THRAP3: variants seen among roughly 807,000 people sequenced by gnomAD.
The protein encoded by THRAP3 is thyroid hormone receptor-associated protein 3.
THRAP3 carries 16 observed loss-of-function variants against 101.0 expected under a neutral mutation model. That is an observed-to-expected ratio of 0.16 (90% CI 0.11 to 0.24). The LOEUF (loss-of-function observed/expected upper bound fraction) is 0.24, where lower values mean the gene tolerates loss of function less well. Among genes scored for constraint, THRAP3 ranks in the 10% least tolerant of loss-of-function variants. The pLI, the probability that THRAP3 is intolerant of heterozygous loss-of-function variation, is 1.00. For missense variants in THRAP3, 989 were observed against 1,202.7 expected, an observed-to-expected ratio of 0.82 and a Z score of 2.63; for synonymous variants, 407 against 422.6, an observed-to-expected ratio of 0.96 and a Z score of 0.45.
intron 2 of THRAP3, among the ~76,000 whole-genome samples, chr1:36,264,254 C>T (rs180930500): frequency 6.6e-6 from 1 of 152,332 alleles, no homozygotes; most frequent in Non-Finnish European, 1.5e-5. Context: ...TCCTAAATCT[C>T]TCCCTCCAAC....
chr1:36,215,229 A>T, the THRAP3 span, among the ~76,000 whole-genome samples: 1 of 152,306 alleles, frequency 6.6e-6, no homozygotes, highest in East Asian at 1.9e-4. Flanking sequence ...AAAAAAAACA[A>T]AAACAAAACA....
Position 36,300,928 on chromosome 1 carries a change from T to G in THRAP3, c.2346T>G (p.Ser782=). The change falls in exon 10 of 12, where the codon TCT becomes TCG. Residue 782 remains serine (S), a synonymous_variant. Transcript: ENST00000354618. ...GAGACAGGTCCAGATCCTCCTCCTCTTCCTCCCAGTCATCTCACTCCTACA... is the reference window on the plus strand; with the variant it reads ...GAGACAGGTCCAGATCCTCCTCCTCGTCCTCCCAGTCATCTCACTCCTACA... ...RARDRSRSSS[S]SSQSSHSYKA... is the part of the protein sequence containing the mutation. The G allele has an allele frequency of 1.2e-6, 2 of 1,613,974 alleles. No individual in the cohort carries two copies. Among genetic ancestry groups the G allele is most frequent in the Non-Finnish European group, 8.5e-7 (1 of 1,179,972 alleles).
chr1:36,239,710 AT>A (rs1410354840), intron 1 of THRAP3, among the ~76,000 whole-genome samples: 2 of 152,194 alleles, frequency 1.3e-5, no homozygotes, highest in East Asian at 3.8e-4. Flanking sequence ...ATTAGGAAAG[AT>A]TTCAAGCATA....
chr1:36,220,973 ATAT>A (rs1278938982), upstream of THRAP3, among the ~76,000 whole-genome samples: 613 of 80,512 alleles, frequency 7.6e-3, 14 homozygotes, highest in African/African-American at 0.029. Flanking sequence ...AAAAAAAAAA[ATAT>A]ATATATATAT....
chr1:36,267,277 A>G (rs936289898), intron 2 of THRAP3, among the ~76,000 whole-genome samples: 1 of 152,220 alleles, frequency 6.6e-6, no homozygotes, highest in African/African-American at 2.4e-5. Flanking sequence ...CTTTAAAAGC[A>G]AAGTTTCTTT....
intron 2 of THRAP3, among the ~76,000 whole-genome samples, chr1:36,271,902 G>C (rs1045884107): frequency 1.6e-4 from 24 of 151,352 alleles, no homozygotes; most frequent in African/African-American, 5.6e-4. Context: ...CCTAATTTTT[G>C]TATTTTTAAT....
chr1:36,273,200 G>A (rs1301146334), intron 2 of THRAP3, among the ~76,000 whole-genome samples: 1 of 152,120 alleles, frequency 6.6e-6, no homozygotes, highest in Admixed American at 6.6e-5. Flanking sequence ...AACAGTCATC[G>A]AATGTAGCAT....
intron 1 of THRAP3, among the ~76,000 whole-genome samples, chr1:36,232,310 T>C (rs1645036836): frequency 6.6e-6 from 1 of 152,150 alleles, no homozygotes; most frequent in Non-Finnish European, 1.5e-5. Flanking sequence ...TCATAAGTTC[T>C]TATTACTTAA....
At chr1:36,232,434 A>T (rs1401624916) in intron 1 of THRAP3, among the ~76,000 whole-genome samples, 1 of 152,126 alleles carries the variant, frequency 6.6e-6, no homozygotes, top group African/African-American at 2.4e-5. Context: ...ACTCCTCTAT[A>T]ATAGTACTCC....
chr1:36,296,603 T>G lies in THRAP3; in HGVS notation c.2136T>G (p.Asp712Glu). The G allele has an allele frequency of 6.4e-7, 1 of 1,570,678 alleles. No homozygotes were observed. Among genetic ancestry groups the G allele is most frequent in the Non-Finnish European group, 8.6e-7 (1 of 1,165,608 alleles). ...PGYKAEGKYK[D>E]DPVDLRLDIE... Reference sequence around the variant, plus strand: ...GATAGGCTGAGGGAAAATACAAAGATGATCCTGTTGATCTCCGCCTTGATA... The same window carrying G: ...GATAGGCTGAGGGAAAATACAAAGAGGATCCTGTTGATCTCCGCCTTGATA... The change falls in exon 9 of 12, where the codon GAT (aspartate) becomes GAG (glutamate). Residue 712 changes from aspartate to glutamate, a missense_variant. Physicochemically the swap from Asp to Glu is conservative, Grantham distance 45. Coordinates refer to ENST00000354618, the MANE Select transcript of THRAP3 (RefSeq NM_005119.4).
At chr1:36,277,548 C>G (rs1230058652) in intron 2 of THRAP3, among the ~76,000 whole-genome samples, 10 of 151,564 alleles carry the variant, frequency 6.6e-5, no homozygotes, top group Admixed American at 6.6e-4. Flanking sequence ...GCTTTGTCAC[C>G]CAGGCTGGAG....
intron 8 of THRAP3, chr1:36,294,361 A>G (rs1645918683): frequency 2.6e-6 from 1 of 379,094 alleles, no homozygotes; most frequent in Non-Finnish European, 3.6e-6. Flanking sequence ...GTTTTTAAAC[A>G]GCTGGTCCAG....
the THRAP3 span, among the ~76,000 whole-genome samples, chr1:36,218,675 T>C: frequency 4.0e-5 from 6 of 151,444 alleles, no homozygotes; most frequent in Non-Finnish European, 4.4e-5. Context: ...TGAGCCGAGA[T>C]TGTGCCACTG....
intron 1 of THRAP3, among the ~76,000 whole-genome samples, chr1:36,234,479 A>G (rs554933908): frequency 6.6e-6 from 1 of 152,316 alleles, no homozygotes; most frequent in African/African-American, 2.4e-5. Flanking sequence ...GTTTGGATAT[A>G]TAGAAGAGAT....
chr1:36,292,260 G>GTTTTT lies in THRAP3; in HGVS notation c.1919-335_1919-334insTTTTT, dbSNP rs1553124853. Among the ~76,000 whole-genome samples, 3 of 13,098 alleles carry GTTTTT rather than the reference G, an allele frequency of 2.3e-4. 1 individual carries two copies. The highest frequency in any genetic ancestry group is 5.6e-4 in the Non-Finnish European group (3 of 5,368). The allele number at this position is 13,098 out of a possible 152,430, so 8.6% of individuals were successfully genotyped here. ...CTTTGGTAACATAATGTGTTTCTTT[G>GTTTTT]TTTCTTTTTTTTTTTTTTTTTTTTT... On this transcript the variant is annotated intron_variant, in intron 6 of 11. Transcript: ENST00000354618.
intron 1 of THRAP3, among the ~76,000 whole-genome samples, chr1:36,244,314 G>A (rs1343418368): frequency 2.6e-5 from 4 of 152,004 alleles, no homozygotes; most frequent in Non-Finnish European, 4.4e-5. Context: ...TAGGAAGTTT[G>A]GTTGAAAATA....
At position 36,282,692 on chromosome 1, in the gene THRAP3, C is replaced by T. The variant is rs1417675296; in HGVS notation, c.129C>T (p.Arg43=). 1.9e-6 allele frequency: 3 copies of T among 1,614,160 alleles called. No homozygotes were observed. The highest frequency in any genetic ancestry group is 2.2e-5 in the East Asian group (1 of 44,876). The stretch of plus-strand genomic sequence containing the variant: ...GATCTCTCTCTCGTTCAAGGAAGCG[C>T]AGGCTGAGGTAAGGGGGTGTGACTT... ...RSRSLSRSRK[R]RLSSRSRSRS... is the part of the protein sequence containing the mutation. The change falls in exon 3 of 12, where the codon CGC becomes CGT. Residue 43 remains arginine (R), a synonymous_variant. Coordinates refer to ENST00000354618, the MANE Select transcript of THRAP3 (RefSeq NM_005119.4).
chr1:36,246,069 C>T (rs1645227607), intron 1 of THRAP3, among the ~76,000 whole-genome samples: 1 of 152,084 alleles, frequency 6.6e-6, no homozygotes, highest in Non-Finnish European at 1.5e-5. Context: ...AAAGATGAAA[C>T]AGATCCAGGA....
At position 36,286,711 on chromosome 1, in the gene THRAP3, C is replaced by T. The variant is rs1409138704; in HGVS notation, c.481C>T (p.Arg161Cys). The T allele has an allele frequency of 6.2e-6, 10 of 1,614,088 alleles. No individual in the cohort carries two copies. The highest frequency in any genetic ancestry group is 2.2e-5 in the East Asian group (1 of 44,906). ...SDRSRRSSSS[R>C]SSSNHSRVES... Reference sequence around the variant, plus strand: ...CCGGTCAAGGCGCTCCTCATCCTCCCGTTCTTCCTCCAACCATAGCCGAGT... The same window carrying T: ...CCGGTCAAGGCGCTCCTCATCCTCCTGTTCTTCCTCCAACCATAGCCGAGT... The change falls in exon 4 of 12, where the codon CGT becomes TGT. Residue 161 changes from arginine (R) to cysteine (C), a missense_variant. Physicochemically the swap from Arg to Cys is radical, Grantham distance 180 (BLOSUM62 -3). Coordinates refer to ENST00000354618, the MANE Select transcript of THRAP3 (RefSeq NM_005119.4). This position sits in a 1 kb window ranked among gnomAD's most constrained non-coding sequence, Gnocchi z 5.5.
Sources: gnomAD v4.1 joint callset for allele counts (sites outside exome capture counted in the v4.1 genomes callset) on GRCh38, gnomAD v4.1.1 for gene constraint, Gnocchi (gnomAD v3.1) non-coding constraint, MANE v1.5 for transcripts, NCBI Gene and HGNC (gene_info 2026-07-23, HGNC 2026-07-21) for gene names.